USP33: variants seen among roughly 807,000 people sequenced by gnomAD.
USP33 encodes ubiquitin carboxyl-terminal hydrolase 33.
Under a neutral mutation model 124.2 loss-of-function variants are expected in USP33, and 46 were observed. The observed-to-expected ratio is 0.37, with a 90% CI of 0.29 to 0.47. The LOEUF is 0.47. USP33 is among the 20% of genes least tolerant of loss of function. The pLI is 0.99. For missense variants in USP33, 851 were observed against 1,070.6 expected, an observed-to-expected ratio of 0.79 and a Z score of 2.86; for synonymous variants, 350 against 352.3, an observed-to-expected ratio of 0.99 and a Z score of 0.07.
At chr1:77,745,399 T>A (rs1327836325) in intron 1 of USP33, 1 of 152,608 alleles carries the variant, frequency 6.6e-6, no homozygotes, top group Non-Finnish European at 1.5e-5. Flanking sequence ...GGTCTTTTAA[T>A]TGGGGCATTT....
chr1:77,757,842 C>T (rs905271159), intron 1 of USP33, among the ~76,000 whole-genome samples: 4 of 152,104 alleles, frequency 2.6e-5, no homozygotes, highest in African/African-American at 7.2e-5. Flanking sequence ...TCTTGGCATT[C>T]GGAGCTCAGA....
chr1:77,709,750 G>A (rs937927081), intron 21 of USP33, among the ~76,000 whole-genome samples: 21 of 151,206 alleles, frequency 1.4e-4, no homozygotes, highest in African/African-American at 5.1e-4. Context: ...TATAGATATA[G>A]ATATCTATAT....
intron 21 of USP33, among the ~76,000 whole-genome samples, chr1:77,705,178 T>C (rs1674482194): frequency 6.6e-6 from 1 of 151,252 alleles, no homozygotes. Context: ...AGAATAATAA[T>C]AGGTTTGCAC....
intron 22 of USP33, among the ~76,000 whole-genome samples, chr1:77,700,375 T>C (rs1389031167): frequency 6.6e-6 from 1 of 152,096 alleles, no homozygotes; most frequent in African/African-American, 2.4e-5. Context: ...GAGGCCAAGG[T>C]TGGTGCACTG....
chr1:77,741,315 T>C, intron 3 of USP33, 61 bp downstream of exon 3: 1 of 1,507,548 alleles, frequency 6.6e-7, no homozygotes, highest in Non-Finnish European at 8.9e-7. Flanking sequence ...CTGGTTATGA[T>C]TATTCAGATC....
At chr1:77,729,653 AG>A (rs1402137147) in intron 9 of USP33, among the ~76,000 whole-genome samples, 1 of 152,170 alleles carries the variant, frequency 6.6e-6, no homozygotes, top group Non-Finnish European at 1.5e-5. Flanking sequence ...CCTGGGCGAT[AG>A]AGCAAGACTC....
chr1:77,725,943 C>CT (rs1277122527), intron 10 of USP33, among the ~76,000 whole-genome samples, 181 bp from the exon 11 acceptor site: 11 of 152,266 alleles, frequency 7.2e-5, no homozygotes, highest in Non-Finnish European at 1.5e-4. Flanking sequence ...AGAAATCCAA[C>CT]TAATTTTTGT....
At position 77,722,046 on chromosome 1, in the gene USP33, A is replaced by T. The variant is rs143549840; in HGVS notation, c.1540T>A (p.Phe514Ile). 4.6e-5 allele frequency: 74 copies of T among 1,612,852 alleles called. No homozygotes were observed. Among genetic ancestry groups the T allele is most frequent in the Non-Finnish European group, 5.9e-5 (70 of 1,179,608 alleles). ...TACCTCTTCACATATTCCATGAAAA[A>T]AGCTATCCACCCTTGTGGAGCATAT... The part of the protein sequence containing the change: ...EAYAPQGWIA[F>I]FMEYVKRFVV... Residue 514 changes from phenylalanine to isoleucine, a missense_variant, in exon 13 of 24, where the codon TTT (phenylalanine) becomes ATT (isoleucine). Coordinates refer to ENST00000370794, the MANE Select transcript of USP33 (RefSeq NM_201624.3).
chr1:77,700,201 CA>C (rs1673849007), intron 22 of USP33, among the ~76,000 whole-genome samples: 1 of 152,136 alleles, frequency 6.6e-6, no homozygotes, highest in African/African-American at 2.4e-5. Flanking sequence ...CTGGAACTTA[CA>C]AAATAAAAAT....
chr1:77,755,991 A>G (rs1387543362), intron 1 of USP33, among the ~76,000 whole-genome samples: 2 of 152,142 alleles, frequency 1.3e-5, no homozygotes, highest in Admixed American at 6.5e-5. Context: ...ATACTATGCA[A>G]TTTTTTCACT....
chr1:77,718,581 A>T lies in USP33; in HGVS notation c.1737+15T>A, dbSNP rs1174393722. 1 of 1,582,818 alleles carries T rather than the reference A, an allele frequency of 6.3e-7. No homozygotes were observed. The highest frequency in any genetic ancestry group is 8.7e-7 in the Non-Finnish European group (1 of 1,155,062). ...CTACCACACAATATAAGTTGAATTA[A>T]AATAATGCCCATACCTCAGGAAAGT... is the stretch of plus-strand genomic sequence containing the variant. On this transcript the variant is annotated intron_variant, in intron 16 of 23. Coordinates refer to ENST00000370794, the MANE Select transcript of USP33 (RefSeq NM_201624.3).
At chr1:77,755,567 G>A (rs990599414) in intron 1 of USP33, among the ~76,000 whole-genome samples, 2 of 152,182 alleles carry the variant, frequency 1.3e-5, no homozygotes, top group African/African-American at 4.8e-5. Context: ...GTATGGTGGC[G>A]TGCGCCTGTA....
At chr1:77,701,534 C>T (rs947486605) in intron 21 of USP33, 63 bp from the exon 22 acceptor site, 1 of 1,298,544 alleles carries the variant, frequency 7.7e-7, no homozygotes, top group Non-Finnish European at 1.1e-6. Context: ...AAAACAATAC[C>T]ATCATTCCAC....
rs1677454376 is a variant in USP33 at position 77,728,788 on chromosome 1, G to A, written c.718-76C>T. Reference sequence around the variant, plus strand: ...AAACGTAAGGGAAAATATACAAAATGTCATTACAAACTTATATATGAAGGT... The same window carrying A: ...AAACGTAAGGGAAAATATACAAAATATCATTACAAACTTATATATGAAGGT... On this transcript the variant is annotated intron_variant, in intron 9 of 23. Transcript: ENST00000370794. 2.0e-6 allele frequency: 3 copies of A among 1,465,710 alleles called. No individual in the cohort carries two copies. In the East Asian group the frequency reaches 6.8e-5, roughly 33 times the overall value. The allele number at this position is 1,465,710 out of a possible 1,614,324, so 90.8% of individuals were successfully genotyped here. A position where few individuals can be genotyped will look rare whatever the true frequency, so the allele number is the denominator to read the frequency against.
chr1:77,750,418 A>G (rs1273611709), intron 1 of USP33, among the ~76,000 whole-genome samples: 1 of 152,076 alleles, frequency 6.6e-6, no homozygotes, highest in African/African-American at 2.4e-5. Context: ...AGATCATTTG[A>G]GCTGACGAGT....
Position 77,741,639 on chromosome 1 carries a change from T to G in USP33, c.59A>C (p.Glu20Ala). ...HLDSVGEITK[E>A]DLIQKSLGTC... ...TACAAGGGATTTTTGTATCAAATCT[T>G]CTTTTGTTATTTCACCAACTGAATC... Residue 20 changes from glutamate to alanine, a missense_variant, in exon 2 of 24, where the codon GAA becomes GCA. Glu to Ala is a moderately radical substitution (Grantham distance 107). Around this residue, in one of 4 missense-constraint regions of USP33, gnomAD observed 221 missense variants for 302.9 expected, o/e 0.73. Coordinates refer to ENST00000370794, the MANE Select transcript of USP33 (RefSeq NM_201624.3). The G allele has an allele frequency of 6.3e-7, 1 of 1,591,140 alleles. No individual in the cohort carries two copies. The highest frequency in any genetic ancestry group is 8.5e-7 in the Non-Finnish European group (1 of 1,172,638).
chr1:77,748,776 C>A (rs1183806761), intron 1 of USP33, among the ~76,000 whole-genome samples: 1 of 15,678 alleles, frequency 6.4e-5, no homozygotes, highest in Admixed American at 8.3e-4. Context: ...AGCATTCCTT[C>A]CCTCCCCCCC....
chr1:77,748,779 T>C (rs903502218), intron 1 of USP33, among the ~76,000 whole-genome samples: 10,757 of 47,458 alleles, frequency 0.23, 91 homozygotes, highest in Non-Finnish European at 0.29. Context: ...ATTCCTTCCC[T>C]CCCCCCCCCC....
intron 1 of USP33, among the ~76,000 whole-genome samples, chr1:77,755,957 A>G (rs549604426): frequency 6.6e-6 from 1 of 152,320 alleles, no homozygotes; most frequent in African/African-American, 2.4e-5. Flanking sequence ...CTGGTCATCA[A>G]CACTCTTATC....
Sources: allele counts gnomAD v4.1 joint callset (sites outside exome capture counted in the v4.1 genomes callset), GRCh38; gene constraint gnomAD v4.1.1; regional missense constraint gnomAD v4.1.1; transcripts MANE v1.5; gene names NCBI Gene and HGNC (gene_info 2026-07-23, HGNC 2026-07-21).